Variants in RBFOX1 observed in about 807,000 individuals in gnomAD.
RBFOX1 encodes RNA binding protein fox-1 homolog 1.
RBFOX1 carries 8 observed loss-of-function variants against 57.7 expected under a neutral mutation model. The ratio of observed to expected loss-of-function variants is 0.14; its 90% CI spans 0.08 to 0.25. The LOEUF is 0.25. Ranked by LOEUF, RBFOX1 falls within the 10% of genes least tolerant of loss-of-function variation. The pLI is 1.00. For synonymous variants in RBFOX1, 326 were observed against 222.4 expected (o/e 1.47, Z -4.15); for missense variants, 611 against 548.5 (o/e 1.11, Z -1.14).
chr16:5,295,707 C>T (rs2063650070), intron 1 of RBFOX1, among the ~76,000 whole-genome samples: 1 of 152,188 alleles, frequency 6.6e-6, no homozygotes, highest in African/African-American at 2.4e-5. Flanking sequence ...GACAACTTAA[C>T]ATCCTATCTA....
chr16:5,867,420 A>T, intron 4 of RBFOX1: 1 of 884,498 alleles, frequency 1.1e-6, no homozygotes, highest in East Asian at 3.3e-5. Context: ...CATTCTAGCA[A>T]TGATTCTTCC....
intron 1 of RBFOX1, among the ~76,000 whole-genome samples, chr16:6,179,461 C>T (rs2097044831): frequency 6.6e-6 from 1 of 152,158 alleles, no homozygotes. Flanking sequence ...TGTTGGGACT[C>T]TCTGATGCCT....
chr16:7,127,227 A>G (rs939602761), intron 4 of RBFOX1, among the ~76,000 whole-genome samples: 7 of 152,176 alleles, frequency 4.6e-5, no homozygotes, highest in African/African-American at 1.7e-4. Flanking sequence ...ATCGTTATTC[A>G]GCATTCTCCA....
At chr16:6,956,952 T>G (rs1047548582) in intron 3 of RBFOX1, among the ~76,000 whole-genome samples, 8 of 152,062 alleles carry the variant, frequency 5.3e-5, no homozygotes, top group Non-Finnish European at 1.5e-5. Flanking sequence ...GTTTTTGGAT[T>G]TCACACAAGA....
chr16:6,101,447 GT>G (rs1367199356), intron 1 of RBFOX1, among the ~76,000 whole-genome samples: 2 of 151,972 alleles, frequency 1.3e-5, no homozygotes, highest in East Asian at 3.9e-4. Context: ...GGGTGTGATG[GT>G]TTTGTATCTT....
At position 6,019,858 on chromosome 16, in the gene RBFOX1, G is replaced by A; in HGVS notation, c.-261G>A. The stretch of plus-strand genomic sequence containing the variant: ...TGACCTGCCCGCGAAGTTGCGGACA[G>A]TGCGTGAGAAACCAGCACCCCCTTC... On this transcript the variant is annotated 5_prime_UTR_variant, in exon 1 of 16. In the 5' UTR this introduces an upstream ATG that the reference lacks. Coordinates refer to ENST00000550418, the MANE Select transcript of RBFOX1 (RefSeq NM_018723.4). The surrounding 1 kb of genome is among the most constrained non-coding windows in gnomAD (Gnocchi z 4.2). 2 of 1,533,818 alleles carry A rather than the reference G, an allele frequency of 1.3e-6. No homozygotes were observed. The highest frequency in any genetic ancestry group is 1.7e-6 in the Non-Finnish European group (2 of 1,145,942).
rs183550679 is a variant in RBFOX1 at position 7,191,963 on chromosome 16, C to G, written c.27+139865C>G. ...TTATTAAATTTCCTGAGCCGTCTCCCTCTAAGGAGGGCTGCACAAACGGCC... is the reference window on the plus strand; with the variant it reads ...TTATTAAATTTCCTGAGCCGTCTCCGTCTAAGGAGGGCTGCACAAACGGCC... On this transcript the variant is annotated intron_variant, in intron 4 of 15. Coordinates refer to ENST00000550418, the MANE Select transcript of RBFOX1 (RefSeq NM_018723.4). 1.6e-3 allele frequency among the ~76,000 whole-genome samples: 242 copies of G among 152,338 alleles called. 1 individual carries two copies. Among genetic ancestry groups the G allele is most frequent in the Middle Eastern group, 3.4e-3 (1 of 294 alleles).
intron 2 of RBFOX1, among the ~76,000 whole-genome samples, chr16:5,582,510 G>C (rs972030944): frequency 6.6e-6 from 1 of 150,986 alleles, no homozygotes; most frequent in African/African-American, 2.4e-5. Flanking sequence ...CCAGAGCAGA[G>C]CTGGGACTTG....
At chr16:5,697,020 C>G (rs1327891721) in intron 3 of RBFOX1, among the ~76,000 whole-genome samples, 11 of 152,232 alleles carry the variant, frequency 7.2e-5, no homozygotes, top group East Asian at 1.9e-4. Flanking sequence ...TGAAGCAATT[C>G]TCATGCCTCA....
At position 6,231,227 on chromosome 16, in the gene RBFOX1, T is replaced by TAG. The variant is rs1567730041; in HGVS notation, c.-126-85768_-126-85767insAG. ...GTGTGTGTATGTGTTTGTGTGTGTGTGTGTGTGTGTAGGTGTGTGTGTGTG... is the reference window on the plus strand; with the variant it reads ...GTGTGTGTATGTGTTTGTGTGTGTGTAGGTGTGTGTGTAGGTGTGTGTGTGTG... On this transcript the variant is annotated intron_variant, in intron 1 of 15. Coordinates refer to ENST00000550418, the MANE Select transcript of RBFOX1 (RefSeq NM_018723.4). Among the ~76,000 whole-genome samples the TAG allele has an allele frequency of 5.2e-5, 5 of 95,724 alleles. No homozygotes were observed. In the Admixed American group the frequency reaches 6.4e-4, roughly 12 times the overall value. 62.8% of individuals were successfully genotyped at this position (95,724 alleles called of 152,430 possible).
chr16:7,217,446 A>G (rs1412697539), intron 4 of RBFOX1, among the ~76,000 whole-genome samples: 11 of 151,746 alleles, frequency 7.2e-5, no homozygotes, highest in Non-Finnish European at 1.0e-4. Context: ...CTACAGCAGG[A>G]TTTATGAGCG....
intron 4 of RBFOX1, among the ~76,000 whole-genome samples, chr16:5,867,635 G>C (rs765304102): frequency 6.6e-6 from 1 of 152,124 alleles, no homozygotes; most frequent in Non-Finnish European, 1.5e-5. Flanking sequence ...CTGCCAATGA[G>C]ACCTCCACTG....
chr16:7,504,729 A>ATT (rs1326549751), intron 4 of RBFOX1, among the ~76,000 whole-genome samples: 79 of 7,114 alleles, frequency 0.011, 4 homozygotes, highest in African/African-American at 0.021. Flanking sequence ...ATATATATAT[A>ATT]TATATATATA....
intron 1 of RBFOX1, among the ~76,000 whole-genome samples, chr16:6,258,608 ACT>A (rs1251728010): frequency 6.6e-6 from 1 of 152,076 alleles, no homozygotes. Context: ...CATGGCCCAA[ACT>A]CTGTTTTCCT....
intron 4 of RBFOX1, among the ~76,000 whole-genome samples, chr16:7,452,746 A>C (rs920198828): frequency 1.3e-5 from 2 of 152,320 alleles, no homozygotes; most frequent in East Asian, 1.9e-4. Context: ...ATAACTCCTG[A>C]TCATGGCTGC....
chr16:5,593,735 A>G (rs760077080), intron 2 of RBFOX1, among the ~76,000 whole-genome samples: 6 of 152,184 alleles, frequency 3.9e-5, no homozygotes, highest in Non-Finnish European at 8.8e-5. Context: ...AAAATGGGCA[A>G]CCAGCAGCCC....
intron 1 of RBFOX1, among the ~76,000 whole-genome samples, chr16:6,296,862 G>C (rs2344667): frequency 0.066 from 10,115 of 152,282 alleles, 377 homozygotes; most frequent in Middle Eastern, 0.12. Context: ...CTTGGATCTT[G>C]TGCAAGAAAG....
intron 1 of RBFOX1, chr16:5,240,234 C>G (rs924087708): frequency 3.0e-6 from 2 of 675,578 alleles, no homozygotes; most frequent in Non-Finnish European, 5.3e-6. Flanking sequence ...GCAACTCCGG[C>G]GGGCGCGGAG....
At chr16:6,337,091 G>A (rs534136631) in intron 2 of RBFOX1, among the ~76,000 whole-genome samples, 1 of 152,076 alleles carries the variant, frequency 6.6e-6, no homozygotes, top group Non-Finnish European at 1.5e-5. Context: ...TATATTACTC[G>A]ACAGTTTATT....
Sources: allele counts gnomAD v4.1 joint callset (sites outside exome capture counted in the v4.1 genomes callset), GRCh38; gene constraint gnomAD v4.1.1; non-coding constraint Gnocchi (gnomAD v3.1); transcripts MANE v1.5; gene names NCBI Gene and HGNC (gene_info 2026-07-23, HGNC 2026-07-21).